PLXNA4: variants seen among roughly 807,000 people sequenced by gnomAD.
PLXNA4 encodes the protein plexin A4.
In PLXNA4, 44 loss-of-function variants were observed where a neutral mutation model predicts 191.8. That is an observed-to-expected ratio of 0.23 (90% CI 0.18 to 0.29). The LOEUF is 0.29. Among genes scored for constraint, PLXNA4 ranks in the 10% least tolerant of loss-of-function variants. The pLI is 1.00. For missense variants in PLXNA4, 1,800 were observed against 2,488.8 expected (o/e 0.72, Z 5.89); for synonymous variants, 1,082 against 1,009.5 (o/e 1.07, Z -1.36).
rs78234469 is a variant in PLXNA4 at position 132,199,036 on chromosome 7, C to T, written c.2587-400G>A. On this transcript the variant is annotated intron_variant, in intron 12 of 31. Transcript: ENST00000321063. Reference sequence around the variant, plus strand: ...TCAGAGCCCCCTACACCTATGTGACCCTACCCACCTCTCAAGATCCTTCTC... The same window carrying T: ...TCAGAGCCCCCTACACCTATGTGACTCTACCCACCTCTCAAGATCCTTCTC... Among the ~76,000 whole-genome samples the T allele has an allele frequency of 8.7e-3, 1,326 of 152,262 alleles. 17 individuals carry two copies. The highest frequency in any genetic ancestry group is 0.03 in the African/African-American group (1,263 of 41,544).
chr7:132,208,096 G>A (rs1268602839), intron 10 of PLXNA4, among the ~76,000 whole-genome samples: 4 of 152,148 alleles, frequency 2.6e-5, no homozygotes, highest in Admixed American at 6.5e-5. Flanking sequence ...GGGTTGCCCC[G>A]ATCATGACCC....
At position 132,369,912 on chromosome 7, in the gene PLXNA4, C is replaced by CA. The variant is rs531193177; in HGVS notation, c.1372-71691dup. ...TGAAACCCCTTCTCTACTAAAAATA[C>CA]AAAAAATTAGCCGGGTGTGGTGCCA... On this transcript the variant is annotated intron_variant, in intron 3 of 31. Coordinates refer to ENST00000321063, the MANE Select transcript of PLXNA4 (RefSeq NM_020911.2). 2.4e-3 allele frequency among the ~76,000 whole-genome samples: 358 copies of CA among 151,796 alleles called. 2 individuals carry two copies. The highest frequency in any genetic ancestry group is 8.2e-3 in the African/African-American group (341 of 41,384).
chr7:132,568,536 G>A (rs1801837804), intron 1 of PLXNA4, among the ~76,000 whole-genome samples: 1 of 152,228 alleles, frequency 6.6e-6, no homozygotes, highest in African/African-American at 2.4e-5. Context: ...CCCAATTTAT[G>A]TATCTGCCCA....
At chr7:132,202,399 G>T (rs1797467048) in intron 12 of PLXNA4, among the ~76,000 whole-genome samples, 2 of 152,182 alleles carry the variant, frequency 1.3e-5, no homozygotes, top group Admixed American at 6.5e-5. Flanking sequence ...GCTCCTCAGA[G>T]ACTCCAACAG....
intron 4 of PLXNA4, among the ~76,000 whole-genome samples, chr7:132,293,440 A>G (rs1274099944): frequency 6.6e-6 from 1 of 152,202 alleles, no homozygotes; most frequent in Non-Finnish European, 1.5e-5. Flanking sequence ...TGAGAACAGC[A>G]TGGGGGAAAC....
chr7:132,201,859 G>A (rs1328386273), intron 12 of PLXNA4, among the ~76,000 whole-genome samples: 1 of 152,184 alleles, frequency 6.6e-6, no homozygotes, highest in Non-Finnish European at 1.5e-5. Flanking sequence ...TTTTACCAAT[G>A]ATGATGAGTG....
chr7:132,403,720 G>A (rs1215049497), intron 3 of PLXNA4, among the ~76,000 whole-genome samples: 1 of 152,138 alleles, frequency 6.6e-6, no homozygotes, highest in South Asian at 2.1e-4. Context: ...CAAAATGCAG[G>A]TTTGTGGCTT....
chr7:132,563,398 C>T (rs1157516480), intron 1 of PLXNA4, among the ~76,000 whole-genome samples: 3 of 87,220 alleles, frequency 3.4e-5, no homozygotes, highest in African/African-American at 1.6e-4. Flanking sequence ...TCCTCTTTCT[C>T]CTCCTCCTCC....
chr7:132,256,345 T>C (rs1799430987), intron 4 of PLXNA4, among the ~76,000 whole-genome samples: 1 of 152,202 alleles, frequency 6.6e-6, no homozygotes, highest in Non-Finnish European at 1.5e-5. Flanking sequence ...TTTCGAATGC[T>C]TTTCTCCTCC....
At chr7:132,295,884 C>T (rs1281463642) in intron 4 of PLXNA4, among the ~76,000 whole-genome samples, 1 of 152,126 alleles carries the variant, frequency 6.6e-6, no homozygotes, top group Non-Finnish European at 1.5e-5. Flanking sequence ...TCATTCAATT[C>T]TTGGAAAAAA....
intron 31 of PLXNA4, 132 bp from the exon 32 acceptor site, chr7:132,130,706 A>C: frequency 7.4e-7 from 1 of 1,343,806 alleles, no homozygotes. Context: ...CACACAGGAC[A>C]CTGCGGGGTA....
At chr7:132,246,478 G>A (rs535219647) in intron 4 of PLXNA4, among the ~76,000 whole-genome samples, 16 of 152,148 alleles carry the variant, frequency 1.1e-4, no homozygotes, top group African/African-American at 3.1e-4. Flanking sequence ...AGGCCTAGAC[G>A]AGGAGCTCTC....
chr7:132,393,972 G>A (rs1051449194), intron 3 of PLXNA4, among the ~76,000 whole-genome samples: 2 of 150,634 alleles, frequency 1.3e-5, no homozygotes, highest in Non-Finnish European at 3.0e-5. Flanking sequence ...CCACTAATTT[G>A]CACCCCACCC....
At chr7:132,153,049 G>A (rs1397847378) in intron 25 of PLXNA4, among the ~76,000 whole-genome samples, 1 of 152,208 alleles carries the variant, frequency 6.6e-6, no homozygotes, top group Non-Finnish European at 1.5e-5. Flanking sequence ...TGCCCTTGAA[G>A]ACTCCTTGTG....
chr7:132,323,713 G>T (rs1753600334), intron 3 of PLXNA4, among the ~76,000 whole-genome samples: 1 of 152,150 alleles, frequency 6.6e-6, no homozygotes, highest in African/African-American at 2.4e-5. Flanking sequence ...TCTGGGTTCT[G>T]CAAAACAATC....
At chr7:132,270,818 T>G (rs1396079251) in intron 4 of PLXNA4, among the ~76,000 whole-genome samples, 1 of 152,176 alleles carries the variant, frequency 6.6e-6, no homozygotes, top group African/African-American at 2.4e-5. Flanking sequence ...TCGAGTAGAG[T>G]TGCTGCTCAA....
intron 3 of PLXNA4, among the ~76,000 whole-genome samples, chr7:132,458,499 C>T (rs761817536): frequency 1.3e-5 from 2 of 151,912 alleles, no homozygotes; most frequent in Non-Finnish European, 2.9e-5. Flanking sequence ...GAACAAACTA[C>T]AGCTGCATAG....
intron 1 of PLXNA4, among the ~76,000 whole-genome samples, chr7:132,573,109 A>G (rs12535266): frequency 0.038 from 5,715 of 151,876 alleles, 250 homozygotes; most frequent in African/African-American, 0.1. Context: ...GTTGGAGGAA[A>G]AGGAAGGGAG....
intron 5 of PLXNA4, 70 bp downstream of exon 5, chr7:132,240,996 C>T: frequency 9.0e-7 from 1 of 1,113,908 alleles, no homozygotes; most frequent in Non-Finnish European, 1.3e-6. Context: ...GCAGTGATGA[C>T]AGAGAAGCAG....
Sources: allele counts gnomAD v4.1 joint callset (sites outside exome capture counted in the v4.1 genomes callset), GRCh38; gene constraint gnomAD v4.1.1; transcripts MANE v1.5; gene names NCBI Gene and HGNC (gene_info 2026-07-23, HGNC 2026-07-21).